Variants in IGBP1C observed in about 807,000 individuals in gnomAD.
IGBP1C encodes the protein immunoglobulin-binding protein 1 family member C.
At chr17:58,682,588 T>A in the IGBP1C span, among the ~76,000 whole-genome samples, 1 of 151,692 alleles carries the variant, frequency 6.6e-6, no homozygotes, top group Non-Finnish European at 1.5e-5. Context: ...GTGTTTTATT[T>A]CACAAAACAA....
the IGBP1C span, chr17:58,661,313 T>C: frequency 2.3e-5 from 19 of 842,432 alleles, no homozygotes; most frequent in East Asian, 4.6e-4. Context: ...CTTACGGGGG[T>C]TGACTTGTTT....
the IGBP1C span, among the ~76,000 whole-genome samples, chr17:58,663,108 C>CA: frequency 6.2e-3 from 477 of 76,714 alleles, 1 homozygote; most frequent in Middle Eastern, 0.016. Flanking sequence ...GACTCCGTCT[C>CA]AAAAAAAAAA....
the IGBP1C span, among the ~76,000 whole-genome samples, chr17:58,671,822 G>A: frequency 6.6e-6 from 1 of 152,104 alleles, no homozygotes; most frequent in East Asian, 1.9e-4. Context: ...TCTACTCACT[G>A]CCAGAGAAGC....
chr17:58,682,430 G>T, the IGBP1C span, among the ~76,000 whole-genome samples: 1 of 151,386 alleles, frequency 6.6e-6, no homozygotes, highest in Non-Finnish European at 1.5e-5. Flanking sequence ...GCTAGTTTTT[G>T]TATTTTTAGT....
chr17:58,670,772 TA>T, the IGBP1C span, among the ~76,000 whole-genome samples: 134 of 32,996 alleles, frequency 4.1e-3, 1 homozygote, highest in East Asian at 0.03. Flanking sequence ...GACTCCCTCT[TA>T]AAAAAAAAAA....
chr17:58,660,964 G>C, the IGBP1C span: 1 of 1,133,900 alleles, frequency 8.8e-7, no homozygotes. Context: ...CCTGATCAAT[G>C]CTCTCAATCT....
chr17:58,667,303 G>A, the IGBP1C span, among the ~76,000 whole-genome samples: 1 of 152,166 alleles, frequency 6.6e-6, no homozygotes, highest in African/African-American at 2.4e-5. Context: ...CTTTCGATGA[G>A]CTTATGGCCT....
the IGBP1C span, among the ~76,000 whole-genome samples, chr17:58,665,509 T>C: frequency 7.9e-5 from 12 of 152,058 alleles, no homozygotes; most frequent in East Asian, 2.3e-3. Flanking sequence ...GGCATGAGAA[T>C]TGCTTGAACC....
At chr17:58,670,433 A>C in the IGBP1C span, among the ~76,000 whole-genome samples, 174 of 152,118 alleles carry the variant, frequency 1.1e-3, 1 homozygote, top group African/African-American at 3.0e-3. Flanking sequence ...TTAAAAAAAA[A>C]AACAACAAAC....
chr17:58,690,311 C>T, the IGBP1C span, among the ~76,000 whole-genome samples: 6 of 152,048 alleles, frequency 3.9e-5, no homozygotes, highest in Non-Finnish European at 7.4e-5. Flanking sequence ...GGACTAGAGG[C>T]ATGTACCACC....
the IGBP1C span, chr17:58,660,973 C>G: frequency 8.7e-6 from 10 of 1,151,766 alleles, no homozygotes; most frequent in Non-Finnish European, 1.2e-5. Flanking sequence ...TGCTCTCAAT[C>G]TCTTCTAAGC....
the IGBP1C span, among the ~76,000 whole-genome samples, chr17:58,673,736 A>C: frequency 6.6e-6 from 1 of 151,146 alleles, no homozygotes; most frequent in East Asian, 2.0e-4. Flanking sequence ...TAATTTTTTC[A>C]ATCTTTTTTT....
At chr17:58,669,180 C>G in the IGBP1C span, among the ~76,000 whole-genome samples, 183 of 152,036 alleles carry the variant, frequency 1.2e-3, 1 homozygote, top group African/African-American at 4.3e-3. Context: ...GGTGAAACCC[C>G]ATCTCTACTA....
At chr17:58,680,142 A>C in the IGBP1C span, among the ~76,000 whole-genome samples, 6 of 151,960 alleles carry the variant, frequency 3.9e-5, no homozygotes, top group African/African-American at 7.3e-5. Flanking sequence ...TACAGTAGTT[A>C]TCGAACTTCT....
At chr17:58,671,865 T>A in the IGBP1C span, among the ~76,000 whole-genome samples, 1 of 152,150 alleles carries the variant, frequency 6.6e-6, no homozygotes, top group African/African-American at 2.4e-5. Context: ...CTTTAGACTT[T>A]CCACGCCATT....
chr17:58,667,406 C>T, the IGBP1C span, among the ~76,000 whole-genome samples: 1 of 152,160 alleles, frequency 6.6e-6, no homozygotes, highest in Non-Finnish European at 1.5e-5. Context: ...CAGCTTAAAC[C>T]TTAAAGCATA....
chr17:58,678,695 G>T, the IGBP1C span, among the ~76,000 whole-genome samples: 37 of 151,926 alleles, frequency 2.4e-4, no homozygotes, highest in Admixed American at 1.1e-3. Flanking sequence ...AAACGGGGAG[G>T]GATAGCATTA....
the IGBP1C span, among the ~76,000 whole-genome samples, chr17:58,682,195 C>A: frequency 6.6e-6 from 1 of 151,780 alleles, no homozygotes; most frequent in African/African-American, 2.4e-5. Context: ...GCAATTGACC[C>A]GTCTCCGCCT....
chr17:58,675,861 G>A, the IGBP1C span, among the ~76,000 whole-genome samples: 1 of 152,190 alleles, frequency 6.6e-6, no homozygotes. Flanking sequence ...AAGGTACGGT[G>A]ATTACAAGCA....
Sources: gnomAD v4.1 joint callset for allele counts (sites outside exome capture counted in the v4.1 genomes callset) on GRCh38, gnomAD v4.1.1 for gene constraint, MANE v1.5 for transcripts, NCBI Gene and HGNC (gene_info 2026-07-23, HGNC 2026-07-21) for gene names.